The following EIF4H variants were observed in gnomAD, a reference collection of about 807,000 sequenced individuals.
The protein encoded by EIF4H is Williams-Beuren syndrome chromosome region 1.
EIF4H carries 8 observed loss-of-function variants against 30.6 expected under a neutral mutation model. The ratio of observed to expected loss-of-function variants is 0.26; its 90% CI spans 0.15 to 0.47. EIF4H has a LOEUF of 0.47. EIF4H is among the 20% of genes least tolerant of loss of function. The pLI, the probability that EIF4H is intolerant of heterozygous loss-of-function variation, is 0.99. For missense variants in EIF4H, 188 were observed against 339.5 expected, an observed-to-expected ratio of 0.55 and a Z score of 3.51; for synonymous variants, 106 against 122.7, an observed-to-expected ratio of 0.86 and a Z score of 0.90.
chr7:74,175,033 TC>T (rs1193603601), intron 1 of EIF4H, among the ~76,000 whole-genome samples: 22 of 152,180 alleles, frequency 1.4e-4, no homozygotes, highest in Admixed American at 3.3e-4. Context: ...AGGAGATAAA[TC>T]CATCGTAGCT....
At chr7:74,177,149 A>G (rs879961966) in intron 1 of EIF4H, among the ~76,000 whole-genome samples, 1 of 152,086 alleles carries the variant, frequency 6.6e-6, no homozygotes, top group East Asian at 1.9e-4. Flanking sequence ...GGGTTTCACT[A>G]TGTTGCCCAG....
At position 74,195,263 on chromosome 7, in the gene EIF4H, G is replaced by A. The variant is rs1801317421; in HGVS notation, c.702G>A (p.Gly234=). 1 of 1,613,866 alleles carries A rather than the reference G, an allele frequency of 6.2e-7. No individual in the cohort carries two copies. The highest frequency in any genetic ancestry group is 1.7e-5 in the Admixed American group (1 of 59,992). Residue 234 remains glycine (G), a synonymous_variant, in exon 7 of 7, where the codon GGG becomes GGA. Coordinates refer to ENST00000265753, the MANE Select transcript of EIF4H (RefSeq NM_022170.2). ...QVANPNSAIF[G]GARPREEVVQ... ...CCAATCCCAACTCTGCTATCTTCGG[G>A]GGTGCCAGGCCTAGAGAGGAAGTCG...
At chr7:74,191,398 A>G in intron 5 of EIF4H, 1 of 431,096 alleles carries the variant, frequency 2.3e-6, no homozygotes, top group East Asian at 6.2e-5. Flanking sequence ...ACGTCTTTCT[A>G]CCCTTGGCTT....
At chr7:74,191,746 A>G (rs1554709991) in intron 5 of EIF4H, among the ~76,000 whole-genome samples, 1 of 152,112 alleles carries the variant, frequency 6.6e-6, no homozygotes, top group Admixed American at 6.6e-5. Context: ...ATTCTCATGA[A>G]TAGTTTGCTT....
At chr7:74,179,709 G>C (rs777859710) in intron 1 of EIF4H, among the ~76,000 whole-genome samples, 8 of 151,828 alleles carry the variant, frequency 5.3e-5, no homozygotes, top group Non-Finnish European at 8.8e-5. Flanking sequence ...TAAGGTGTTG[G>C]TGATTTGGAA....
At chr7:74,175,266 C>G (rs942711203) in intron 1 of EIF4H, among the ~76,000 whole-genome samples, 2 of 152,142 alleles carry the variant, frequency 1.3e-5, no homozygotes, top group Non-Finnish European at 2.9e-5. Context: ...TTCCAGGACT[C>G]TGCACTTTTT....
intron 1 of EIF4H, among the ~76,000 whole-genome samples, chr7:74,187,296 G>A (rs1801106815): frequency 6.6e-6 from 1 of 152,040 alleles, no homozygotes; most frequent in Non-Finnish European, 1.5e-5. Flanking sequence ...CAGGTGTGGT[G>A]GCACATGCCT....
At chr7:74,180,350 G>A (rs1554708235) in intron 1 of EIF4H, among the ~76,000 whole-genome samples, 1 of 152,194 alleles carries the variant, frequency 6.6e-6, no homozygotes, top group East Asian at 1.9e-4. Flanking sequence ...TCCTGCAGCA[G>A]CCATCATGCT....
intron 5 of EIF4H, chr7:74,191,100 G>T: frequency 2.0e-6 from 1 of 510,746 alleles, no homozygotes. Context: ...GGGAGGGACT[G>T]GTGCACGCTG....
Position 74,195,733 on chromosome 7 carries a change from T to G in EIF4H, c.*425T>G. 6.2e-6 allele frequency: 1 copy of G among 161,620 alleles called. No homozygotes were observed. Among genetic ancestry groups the G allele is most frequent in the South Asian group, 1.7e-4 (1 of 5,740 alleles). 10.0% of individuals were successfully genotyped at this position (161,620 alleles called of 1,614,324 possible). On this transcript the variant is annotated 3_prime_UTR_variant, in exon 7 of 7. Transcript: ENST00000265753. The stretch of plus-strand genomic sequence containing the variant: ...CGTTTCCTTTCATTCCCTCAGTGCT[T>G]CTCTTCTGACCTGCATGTTGAGTTC...
At chr7:74,189,996 T>C in intron 4 of EIF4H, 78 bp downstream of exon 4, 1 of 1,496,748 alleles carries the variant, frequency 6.7e-7, no homozygotes, top group South Asian at 1.2e-5. Flanking sequence ...ACGTTCCTAG[T>C]AGAACTCGAT....
At chr7:74,191,719 T>C (rs1414120555) in intron 5 of EIF4H, among the ~76,000 whole-genome samples, 1 of 152,180 alleles carries the variant, frequency 6.6e-6, no homozygotes, top group Non-Finnish European at 1.5e-5. Flanking sequence ...CTAAGCTTTG[T>C]AAAGAAAACT....
In EIF4H at chr7:74,187,468, C is replaced by G. The variant is rs181264560; in HGVS notation, c.60-143C>G. 2.5e-4 allele frequency: 201 copies of G among 808,844 alleles called. 2 individuals are homozygous for G. The East Asian group carries it at 5.8e-3, about 23-fold the overall frequency. The allele number at this position is 808,844 out of a possible 1,614,324, so 50.1% of individuals were successfully genotyped here. A position where few individuals can be genotyped will look rare whatever the true frequency, so the allele number is the denominator to read the frequency against. Reference sequence around the variant, plus strand: ...TTTTCCTTTTTTTTTGTTTCTCCAGCCATTCTCTGTAACAGTCTTGTGGTA... The same window carrying G: ...TTTTCCTTTTTTTTTGTTTCTCCAGGCATTCTCTGTAACAGTCTTGTGGTA... On this transcript the variant is annotated intron_variant, in intron 1 of 6. Coordinates refer to ENST00000265753, the MANE Select transcript of EIF4H (RefSeq NM_022170.2).
Position 74,189,654 on chromosome 7 carries a change from GTCT to G in EIF4H, c.248-14_248-12del, listed in dbSNP as rs782287478. 32 of 1,612,124 alleles carry G rather than the reference GTCT, an allele frequency of 2.0e-5. No homozygotes were observed. The Admixed American group carries it at 3.8e-4, about 19-fold the overall frequency. ...CCCAGAATTACTTGAGGAAATCGGG[GTCT>G]TCTTTTCTTTTCCAGGATTCTGCTA... On this transcript the variant is annotated splice_polypyrimidine_tract_variant and intron_variant, in intron 2 of 6. Coordinates refer to ENST00000265753, the MANE Select transcript of EIF4H (RefSeq NM_022170.2).
chr7:74,194,520 G>A (rs1554710413), intron 5 of EIF4H, among the ~76,000 whole-genome samples: 2 of 152,188 alleles, frequency 1.3e-5, no homozygotes, highest in African/African-American at 4.8e-5. Flanking sequence ...GCTCTCCTAA[G>A]ATCTTGATTC....
chr7:74,187,829 C>A, intron 2 of EIF4H, 31 bp downstream of exon 2: 1 of 1,540,418 alleles, frequency 6.5e-7, no homozygotes, highest in Non-Finnish European at 8.8e-7. Context: ...TTGTATATTA[C>A]TGTAAAGTGT....
At position 74,190,262 on chromosome 7, in the gene EIF4H, G is replaced by T; in HGVS notation, c.425G>T (p.Arg142Leu). 6.2e-7 allele frequency: 1 copy of T among 1,614,162 alleles called. No homozygotes were observed. Among genetic ancestry groups the T allele is most frequent in the Non-Finnish European group, 8.5e-7 (1 of 1,180,010 alleles). The change falls in exon 5 of 7, where the codon CGA (arginine) becomes CTA (leucine). Residue 142 changes from arginine to leucine, a missense_variant. By Grantham distance (102) the Arg-to-Leu change is moderately radical (BLOSUM62 -2). Coordinates refer to ENST00000265753, the MANE Select transcript of EIF4H (RefSeq NM_022170.2). ...GTATCCTCAGGAATGGGTAGCTCTCGAGAATCTAGAGGTGGATGGGATTCC... is the reference window on the plus strand; with the variant it reads ...GTATCCTCAGGAATGGGTAGCTCTCTAGAATCTAGAGGTGGATGGGATTCC... Reference protein sequence around the residue: ...GPDDRGMGSSRESRGGWDSRD... With the variant: ...GPDDRGMGSSLESRGGWDSRD...
rs1020760503 is a variant in EIF4H, at chr7:74,181,734, G to C, written c.60-5877G>C. ...GCTGGGATTACAGGTGTGAGCCACC[G>C]AGCCCGGCCTTTTTTTTTGAGATGG... On this transcript the variant is annotated intron_variant, in intron 1 of 6. Transcript: ENST00000265753. Among the ~76,000 whole-genome samples, 3 of 139,784 alleles carry C rather than the reference G, an allele frequency of 2.1e-5. No individual in the cohort carries two copies. In the Admixed American group the frequency reaches 2.2e-4, roughly 10 times the overall value. The allele number at this position is 139,784 out of a possible 152,430, so 91.7% of individuals were successfully genotyped here.
At chr7:74,189,182 A>G (rs1174840022) in intron 2 of EIF4H, among the ~76,000 whole-genome samples, 1 of 152,162 alleles carries the variant, frequency 6.6e-6, no homozygotes, top group Non-Finnish European at 1.5e-5. Context: ...TTTAATTAAC[A>G]TTCAGAGAAG....
Sources: gnomAD v4.1 joint callset for allele counts (sites outside exome capture counted in the v4.1 genomes callset) on GRCh38, gnomAD v4.1.1 for gene constraint, MANE v1.5 for transcripts, NCBI Gene and HGNC (gene_info 2026-07-23, HGNC 2026-07-21) for gene names.